MPZL3: variants seen among roughly 807,000 people sequenced by gnomAD.
MPZL3 encodes myelin protein zero-like protein 3.
A neutral mutation model predicts 24.8 loss-of-function variants in MPZL3; 23 were observed. The ratio of observed to expected loss-of-function variants is 0.93; its 90% confidence interval spans 0.67 to 1.31. The LOEUF (loss-of-function observed/expected upper bound fraction) is 1.31. Among genes scored for constraint, MPZL3 ranks in the 40% most tolerant of loss-of-function variants. MPZL3 has a pLI of 0.00. For synonymous variants in MPZL3, 99 were observed against 106.5 expected (o/e 0.93, Z 0.44); for missense variants, 277 against 294.9 (o/e 0.94, Z 0.44).
intron 5 of MPZL3, among the ~76,000 whole-genome samples, chr11:118,231,185 T>A (rs1437171993): frequency 7.2e-5 from 11 of 152,184 alleles, no homozygotes; most frequent in Non-Finnish European, 5.9e-5. Context: ...ATGACCTCCA[T>A]ATTCCCAAAT....
At chr11:118,243,933 T>A (rs1302199739) in intron 1 of MPZL3, among the ~76,000 whole-genome samples, 2 of 152,220 alleles carry the variant, frequency 1.3e-5, no homozygotes. Flanking sequence ...CTCTCCTTTC[T>A]AAGCCAAGTT....
At position 118,229,712 on chromosome 11, in the gene MPZL3, T is replaced by C. The variant is rs1295086867; in HGVS notation, c.*182A>G. ...CTTATGAGAGTTCCTGAACAGTTTA[T>C]AAATACAACAAGAACATTTATTCAA... is the stretch of plus-strand genomic sequence containing the variant. On this transcript the variant is annotated 3_prime_UTR_variant, in exon 6 of 6. Coordinates refer to ENST00000278949, the MANE Select transcript of MPZL3 (RefSeq NM_198275.3). 3.6e-6 allele frequency: 2 copies of C among 553,890 alleles called. No homozygotes were observed. The highest frequency in any genetic ancestry group is 3.2e-6 in the Non-Finnish European group (1 of 314,706). 34.3% of individuals were successfully genotyped at this position (553,890 alleles called of 1,614,324 possible).
chr11:118,249,602 T>C (rs927402499), intron 1 of MPZL3, among the ~76,000 whole-genome samples: 6 of 151,776 alleles, frequency 4.0e-5, no homozygotes, highest in Non-Finnish European at 8.8e-5. Flanking sequence ...CATAAGTAAT[T>C]TTACACATGA....
chr11:118,238,920 C>T (rs1949458314), intron 2 of MPZL3, among the ~76,000 whole-genome samples: 1 of 152,186 alleles, frequency 6.6e-6, no homozygotes, highest in Non-Finnish European at 1.5e-5. Context: ...CAAAACACGG[C>T]CCACTGTGTA....
At chr11:118,249,710 AAGAG>A (rs1272562303) in intron 1 of MPZL3, among the ~76,000 whole-genome samples, 3 of 152,212 alleles carry the variant, frequency 2.0e-5, no homozygotes, top group South Asian at 2.1e-4. Flanking sequence ...ACCTAAGTAA[AAGAG>A]AGAAAAGTTT....
chr11:118,246,464 C>T (rs1157076206), intron 1 of MPZL3, among the ~76,000 whole-genome samples: 1 of 151,600 alleles, frequency 6.6e-6, no homozygotes, highest in Non-Finnish European at 1.5e-5. Context: ...CCTTTTCCCA[C>T]ACAGCCTATG....
rs940964649 is a variant in MPZL3, at chr11:118,252,341, T to G, written c.-47A>C. On this transcript the variant is annotated 5_prime_UTR_variant, in exon 1 of 6. Transcript: ENST00000278949. ...TGCACACCTTGTTTACAGCTCCCGG[T>G]AACGACACAGGTAACACCGGAAGTG... is the stretch of plus-strand genomic sequence containing the variant. 1 of 1,589,020 alleles carries G rather than the reference T, an allele frequency of 6.3e-7. No individual in the cohort carries two copies. The highest frequency in any genetic ancestry group is 1.7e-5 in the Admixed American group (1 of 59,794).
At chr11:118,246,456 T>C (rs1949557296) in intron 1 of MPZL3, among the ~76,000 whole-genome samples, 1 of 151,224 alleles carries the variant, frequency 6.6e-6, no homozygotes. Context: ...GATACCTACC[T>C]TTTCCCACAC....
chr11:118,227,906 A>G lies in MPZL3; in HGVS notation c.*1988T>C, dbSNP rs1949290999. On this transcript the variant is annotated 3_prime_UTR_variant, in exon 6 of 6. Coordinates refer to ENST00000278949, the MANE Select transcript of MPZL3 (RefSeq NM_198275.3). ...CCCTCACAATGAGATCTCTATCTTC[A>G]AATCTCTGAGAGCCCAAGTTATTTA... The G allele has an allele frequency of 6.6e-6, 1 of 152,200 alleles. No homozygotes were observed. Among genetic ancestry groups the G allele is most frequent in the Middle Eastern group, 3.2e-3 (1 of 316 alleles). The allele number at this position is 152,200 out of a possible 1,614,324, so 9.4% of individuals were successfully genotyped here. A position where few individuals can be genotyped will look rare whatever the true frequency, so the allele number is the denominator to read the frequency against.
At chr11:118,251,653 TA>T (rs569576779) in intron 1 of MPZL3, among the ~76,000 whole-genome samples, 6 of 152,176 alleles carry the variant, frequency 3.9e-5, no homozygotes, top group African/African-American at 1.4e-4. Context: ...TTTCTTGTAT[TA>T]AAAAAAGTTA....
chr11:118,243,218 A>G (rs138681016), intron 1 of MPZL3, among the ~76,000 whole-genome samples: 586 of 152,224 alleles, frequency 3.8e-3, no homozygotes, highest in Non-Finnish European at 5.9e-3. Flanking sequence ...TTAGCTTCCC[A>G]TTCCATGATT....
intron 3 of MPZL3, among the ~76,000 whole-genome samples, chr11:118,235,928 C>T (rs188523037): frequency 2.3e-4 from 35 of 152,260 alleles, no homozygotes; most frequent in Admixed American, 3.9e-4. Flanking sequence ...AAATATTTAA[C>T]AATTCCTTCC....
At chr11:118,240,524 A>G in intron 1 of MPZL3, 147 bp from the exon 2 acceptor site, 2 of 709,304 alleles carry the variant, frequency 2.8e-6, no homozygotes, top group South Asian at 4.0e-5. Context: ...CACAAGGGAC[A>G]AGGAGTTGAT....
chr11:118,251,904 GATA>G (rs1217547138), intron 1 of MPZL3, among the ~76,000 whole-genome samples: 2 of 152,136 alleles, frequency 1.3e-5, no homozygotes, highest in African/African-American at 4.8e-5. Flanking sequence ...GTCAACCACT[GATA>G]ATAACACCAC....
intron 1 of MPZL3, among the ~76,000 whole-genome samples, chr11:118,241,027 A>C (rs968772155): frequency 1.3e-5 from 2 of 152,234 alleles, no homozygotes; most frequent in African/African-American, 4.8e-5. Flanking sequence ...AAAACAGAAT[A>C]GGTAAATGCA....
rs1180891328 is a variant in MPZL3, at chr11:118,227,933, T to C, written c.*1961A>G. On this transcript the variant is annotated 3_prime_UTR_variant, in exon 6 of 6. Transcript: ENST00000278949. ...ATCTCTGAGAGCCCAAGTTATTTACTCTCATTGCTCAAGTTGCTTTCCTCT... is the reference window on the plus strand; with the variant it reads ...ATCTCTGAGAGCCCAAGTTATTTACCCTCATTGCTCAAGTTGCTTTCCTCT... 6.6e-6 allele frequency: 1 copy of C among 152,216 alleles called. No homozygotes were observed. The highest frequency in any genetic ancestry group is 1.5e-5 in the Non-Finnish European group (1 of 68,038). The allele number at this position is 152,216 out of a possible 1,614,324, so 9.4% of individuals were successfully genotyped here.
intron 1 of MPZL3, among the ~76,000 whole-genome samples, chr11:118,250,471 T>C: frequency 6.6e-6 from 1 of 152,148 alleles, no homozygotes; most frequent in Non-Finnish European, 1.5e-5. Flanking sequence ...ATAGTGGTAA[T>C]TATTGCATAA....
chr11:118,241,354 G>A (rs770650240), intron 1 of MPZL3, among the ~76,000 whole-genome samples: 3 of 152,166 alleles, frequency 2.0e-5, no homozygotes, highest in Non-Finnish European at 1.5e-5. Context: ...CCTGAAAATC[G>A]GCAGTGCTTC....
intron 2 of MPZL3, among the ~76,000 whole-genome samples, 180 bp from the exon 3 acceptor site, chr11:118,237,440 C>T (rs550744812): frequency 3.3e-5 from 5 of 151,898 alleles, no homozygotes; most frequent in Admixed American, 2.6e-4. Context: ...GAAAAAGGCC[C>T]GATGAGAGAC....
Sources: gnomAD v4.1 joint callset for allele counts (sites outside exome capture counted in the v4.1 genomes callset) on GRCh38, gnomAD v4.1.1 for gene constraint, MANE v1.5 for transcripts, NCBI Gene and HGNC (gene_info 2026-07-23, HGNC 2026-07-21) for gene names.